VWA8: variants seen among roughly 807,000 people sequenced by gnomAD.
VWA8 encodes von Willebrand factor A domain containing 8.
Under a neutral mutation model 241.5 loss-of-function variants are expected in VWA8, and 221 were observed. The ratio of observed to expected loss-of-function variants is 0.91; its 90% CI spans 0.82 to 1.02. The LOEUF (loss-of-function observed/expected upper bound fraction) is 1.02. Ranked by LOEUF, VWA8 falls within the 50% of genes least tolerant of loss-of-function variation. The probability of loss-of-function intolerance (pLI) is 0.00; values close to 1 mark genes in which losing one functional copy is unlikely to be tolerated. For synonymous variants in VWA8, 852 were observed against 827.1 expected (o/e 1.03, Z -0.52); for missense variants, 2,322 against 2,328.7 (o/e 1.00, Z 0.06).
At chr13:41,805,913 C>T (rs1024176551) in intron 17 of VWA8, among the ~76,000 whole-genome samples, 6 of 151,358 alleles carry the variant, frequency 4.0e-5, no homozygotes, top group African/African-American at 1.2e-4. Flanking sequence ...CCAACGGCTG[C>T]AGAATACACA....
chr13:41,612,951 G>C (rs1158293907), intron 38 of VWA8, among the ~76,000 whole-genome samples: 2 of 152,114 alleles, frequency 1.3e-5, no homozygotes, highest in Non-Finnish European at 2.9e-5. Flanking sequence ...AAAATGCTTA[G>C]AGCAGTATCT....
At chr13:41,744,687 C>G (rs1479924567) in intron 21 of VWA8, among the ~76,000 whole-genome samples, 2 of 152,156 alleles carry the variant, frequency 1.3e-5, no homozygotes, top group Non-Finnish European at 2.9e-5. Flanking sequence ...CCTAACAACT[C>G]TGTAAGAAAC....
In VWA8 at chr13:41,703,374, T is replaced by C; in HGVS notation, c.3154A>G (p.Thr1052Ala). The C allele has an allele frequency of 6.2e-7, 1 of 1,614,064 alleles. No individual in the cohort carries two copies. Among genetic ancestry groups the C allele is most frequent in the Non-Finnish European group, 8.5e-7 (1 of 1,179,966 alleles). ...LPEQTFMGYW[T>A]IGQARSGMQK... is the part of the protein sequence containing the mutation. ...ATCCCACTTCTTGCCTGACCAATTG[T>C]CCAGTAGCCCATGAACGTTTGTTCT... Residue 1052 changes from threonine (T) to alanine (A), a missense_variant, in exon 27 of 45, where the codon ACA becomes GCA. Coordinates refer to ENST00000379310, the MANE Select transcript of VWA8 (RefSeq NM_015058.2).
chr13:41,671,063 A>G lies in VWA8; in HGVS notation c.4494T>C (p.Gly1498=), dbSNP rs1438320101. 1 of 1,613,954 alleles carries G rather than the reference A, an allele frequency of 6.2e-7. No homozygotes were observed. The part of the protein sequence containing the change: ...DALLAEWDKS[G]VVTVDMGGHI... Reference sequence around the variant, plus strand: ...GACCTCCCATATCAACAGTAACAACACCGCTTTTGTCCCACTCAGCCAGCA... The same window carrying G: ...GACCTCCCATATCAACAGTAACAACGCCGCTTTTGTCCCACTCAGCCAGCA... The change falls in exon 37 of 45, where the codon GGT becomes GGC. Residue 1498 remains glycine (G), a synonymous_variant. Transcript: ENST00000379310.
chr13:41,638,007 G>A (rs930067445), intron 37 of VWA8, among the ~76,000 whole-genome samples: 2 of 152,178 alleles, frequency 1.3e-5, no homozygotes, highest in Non-Finnish European at 2.9e-5. Context: ...AAATCTTGGT[G>A]TTCTATTCTC....
chr13:41,720,142 C>G (rs1254113971), intron 25 of VWA8, among the ~76,000 whole-genome samples: 1 of 151,888 alleles, frequency 6.6e-6, no homozygotes, highest in African/African-American at 2.4e-5. Flanking sequence ...AAAAGTCAGT[C>G]TATGAATAAA....
At chr13:41,737,177 G>C (rs1340375177) in intron 21 of VWA8, among the ~76,000 whole-genome samples, 1 of 152,284 alleles carries the variant, frequency 6.6e-6, no homozygotes, top group South Asian at 2.1e-4. Flanking sequence ...GAATTAAATG[G>C]CAATTTTTAC....
chr13:41,775,431 G>A (rs187357686), intron 20 of VWA8, among the ~76,000 whole-genome samples: 1 of 152,214 alleles, frequency 6.6e-6, no homozygotes, highest in Non-Finnish European at 1.5e-5. Context: ...AAGACAGTGT[G>A]ATCTGCTGAC....
At chr13:41,607,602 C>A (rs1157900575) in intron 39 of VWA8, among the ~76,000 whole-genome samples, 1 of 152,022 alleles carries the variant, frequency 6.6e-6, no homozygotes, top group Non-Finnish European at 1.5e-5. Flanking sequence ...GTGAGATTAG[C>A]ACTGATTAGA....
chr13:41,831,593 A>G (rs562146764), intron 13 of VWA8, among the ~76,000 whole-genome samples: 8 of 146,744 alleles, frequency 5.5e-5, no homozygotes, highest in African/African-American at 2.0e-4. Context: ...GAAAATTCTG[A>G]TGGTGAAGCC....
rs114175302 is a variant in VWA8, at chr13:41,822,798, A to G, written c.1701-3412T>C. On this transcript the variant is annotated intron_variant, in intron 14 of 44. Coordinates refer to ENST00000379310, the MANE Select transcript of VWA8 (RefSeq NM_015058.2). ...AAAAGGGAACAAACTATCAATGTAC[A>G]TAACAACATGGATGATCTCAAAACA... Among the ~76,000 whole-genome samples, 271 of 152,330 alleles carry G rather than the reference A, an allele frequency of 1.8e-3. 2 individuals carry two copies. The highest frequency in any genetic ancestry group is 6.3e-3 in the African/African-American group (264 of 41,588).
chr13:41,687,636 A>T (rs1362143814), intron 34 of VWA8, among the ~76,000 whole-genome samples: 6 of 152,050 alleles, frequency 3.9e-5, no homozygotes, highest in African/African-American at 1.2e-4. Flanking sequence ...TATTTTTTTC[A>T]TTTGTAAAAC....
At chr13:41,730,860 T>C (rs150406173) in intron 22 of VWA8, among the ~76,000 whole-genome samples, 2 of 151,992 alleles carry the variant, frequency 1.3e-5, no homozygotes, top group Admixed American at 1.3e-4. Context: ...TTTTAAACCA[T>C]ATTTTTAAAA....
At chr13:41,688,567 A>C (rs937958832) in intron 34 of VWA8, among the ~76,000 whole-genome samples, 1 of 152,144 alleles carries the variant, frequency 6.6e-6, no homozygotes, top group Non-Finnish European at 1.5e-5. Context: ...ATCTAAGAGG[A>C]AAATCAATTG....
chr13:41,620,003 T>A (rs1254310400), intron 37 of VWA8, among the ~76,000 whole-genome samples: 6 of 152,090 alleles, frequency 3.9e-5, no homozygotes, highest in African/African-American at 1.4e-4. Context: ...TTAGGGAGGA[T>A]TCCCTCTTTT....
chr13:41,674,790 G>A (rs1437669492), intron 36 of VWA8, among the ~76,000 whole-genome samples: 2 of 152,124 alleles, frequency 1.3e-5, no homozygotes, highest in Non-Finnish European at 2.9e-5. Context: ...CTCCCTGACT[G>A]CAGATGCATA....
At chr13:41,953,849 A>G (rs1428057364) in intron 1 of VWA8, among the ~76,000 whole-genome samples, 1 of 143,102 alleles carries the variant, frequency 7.0e-6, no homozygotes, top group African/African-American at 2.5e-5. Context: ...TGGAAGTCAT[A>G]AAGATTATGT....
intron 1 of VWA8, among the ~76,000 whole-genome samples, chr13:41,957,568 T>C (rs1271271174): frequency 1.3e-5 from 2 of 152,068 alleles, no homozygotes; most frequent in African/African-American, 4.8e-5. Flanking sequence ...ACTGCTCCAC[T>C]GCACTCCAGC....
chr13:41,880,497 T>C (rs978353113), intron 9 of VWA8, among the ~76,000 whole-genome samples: 1 of 152,238 alleles, frequency 6.6e-6, no homozygotes, highest in African/African-American at 2.4e-5. Flanking sequence ...TACTCAAGTT[T>C]TACCAACAGT....
Sources: allele counts gnomAD v4.1 joint callset (sites outside exome capture counted in the v4.1 genomes callset), GRCh38; gene constraint gnomAD v4.1.1; transcripts MANE v1.5; gene names NCBI Gene and HGNC (gene_info 2026-07-23, HGNC 2026-07-21).